Variants in PYM1 observed in about 807,000 individuals in gnomAD.
PYM1 encodes the protein PYM1 exon junction complex associated factor.
In PYM1, 7 loss-of-function variants were observed where a neutral mutation model predicts 20.7. That is an observed-to-expected ratio of 0.34 (90% CI 0.19 to 0.64). PYM1 has a LOEUF of 0.64. PYM1 is among the 30% of genes least tolerant of loss of function. The pLI, the probability that PYM1 is intolerant of heterozygous loss-of-function variation, is 0.74. For missense variants in PYM1, 194 were observed against 250.0 expected (o/e 0.78, Z 1.51); for synonymous variants, 100 against 99.2 (o/e 1.01, Z -0.05).
intron 1 of PYM1, among the ~76,000 whole-genome samples, chr12:55,905,963 A>AGATATATATATATTATATATATCTAT (rs1565714563): frequency 1.8e-5 from 1 of 54,476 alleles, no homozygotes; most frequent in African/African-American, 7.7e-5. Flanking sequence ...TATATATCTA[A>AGATATATATATATTATATATATCTAT]TAGATATATA....
chr12:55,924,286 A>G (rs1207027790), intron 1 of PYM1, among the ~76,000 whole-genome samples: 1 of 152,118 alleles, frequency 6.6e-6, no homozygotes, highest in Non-Finnish European at 1.5e-5. Context: ...AGAAATAATG[A>G]CTGCAAAGAG....
At chr12:55,909,480 C>T (rs1283512734) in intron 1 of PYM1, among the ~76,000 whole-genome samples, 1 of 151,912 alleles carries the variant, frequency 6.6e-6, no homozygotes, top group Non-Finnish European at 1.5e-5. Flanking sequence ...TGAATTAATC[C>T]TTTATGCGAA....
At chr12:55,924,921 T>C (rs960041251) in intron 1 of PYM1, among the ~76,000 whole-genome samples, 6 of 152,216 alleles carry the variant, frequency 3.9e-5, no homozygotes, top group East Asian at 1.9e-4. Context: ...CTGACCTCAG[T>C]TGATCCACCC....
chr12:55,902,480 G>A, intron 2 of PYM1, 125 bp from the exon 3 acceptor site: 1 of 1,380,974 alleles, frequency 7.2e-7, no homozygotes, highest in Non-Finnish European at 9.6e-7. Context: ...TGTTTTTGTG[G>A]GGTTGTTTGT....
intron 1 of PYM1, among the ~76,000 whole-genome samples, chr12:55,910,583 C>T (rs1301014919): frequency 6.6e-6 from 1 of 152,124 alleles, no homozygotes; most frequent in Non-Finnish European, 1.5e-5. Context: ...CCTGGGACTA[C>T]AGGAGCCCAC....
intron 1 of PYM1, among the ~76,000 whole-genome samples, chr12:55,914,606 A>T (rs931561949): frequency 6.6e-6 from 1 of 152,224 alleles, no homozygotes; most frequent in Non-Finnish European, 1.5e-5. Context: ...ACAACATAGC[A>T]AGGCATGGAG....
chr12:55,905,645 G>A (rs551924369), intron 1 of PYM1, among the ~76,000 whole-genome samples: 1 of 148,618 alleles, frequency 6.7e-6, no homozygotes, highest in East Asian at 2.0e-4. Flanking sequence ...GGAGGTTGCA[G>A]TGAGTGGAGA....
chr12:55,926,481 C>T (rs1883188800), intron 1 of PYM1, among the ~76,000 whole-genome samples: 1 of 152,160 alleles, frequency 6.6e-6, no homozygotes, highest in East Asian at 1.9e-4. Flanking sequence ...ATCACCATCA[C>T]GGGAGAAGGT....
Position 55,901,828 on chromosome 12 carries a change from C to A in PYM1, c.*44G>T. ...CCGTATTCCCCCAGACCCCAGAGAG[C>A]CCCACGGTTTGTTCTGCAGTCCATT... On this transcript the variant is annotated 3_prime_UTR_variant, in exon 3 of 3. Transcript: ENST00000408946. 1 of 1,550,194 alleles carries A rather than the reference C, an allele frequency of 6.5e-7. No homozygotes were observed. Among genetic ancestry groups the A allele is most frequent in the Non-Finnish European group, 8.7e-7 (1 of 1,151,468 alleles).
chr12:55,911,052 C>T (rs535547064), intron 1 of PYM1, among the ~76,000 whole-genome samples: 7 of 152,228 alleles, frequency 4.6e-5, no homozygotes, highest in African/African-American at 1.7e-4. Context: ...TTAACCTCTT[C>T]GGCATTGGGA....
chr12:55,919,045 C>T (rs1241797750), intron 1 of PYM1, among the ~76,000 whole-genome samples: 1 of 152,096 alleles, frequency 6.6e-6, no homozygotes, highest in Non-Finnish European at 1.5e-5. Flanking sequence ...TTTTTTTTAA[C>T]AGCAAGGCTT....
chr12:55,902,400 T>G, intron 2 of PYM1, 45 bp from the exon 3 acceptor site: 10 of 1,555,824 alleles, frequency 6.4e-6, no homozygotes, highest in Non-Finnish European at 8.7e-6. Context: ...AATTACTGAC[T>G]TTTTGATCCC....
chr12:55,903,880 A>C (rs1882738004), intron 1 of PYM1, among the ~76,000 whole-genome samples: 1 of 152,180 alleles, frequency 6.6e-6, no homozygotes, highest in Non-Finnish European at 1.5e-5. Flanking sequence ...GATGGAACTT[A>C]AAAAAATAGG....
chr12:55,903,561 A>G (rs1029277326), intron 1 of PYM1, 81 bp from the exon 2 acceptor site: 2 of 1,354,552 alleles, frequency 1.5e-6, no homozygotes, highest in African/African-American at 1.4e-5. Context: ...ATAAATGTAC[A>G]TACCATCTCT....
chr12:55,921,502 A>G (rs2200161), intron 1 of PYM1, among the ~76,000 whole-genome samples: 1 of 152,068 alleles, frequency 6.6e-6, no homozygotes, highest in Non-Finnish European at 1.5e-5. Flanking sequence ...AATAAAAATA[A>G]TCATAAAAAA....
At chr12:55,914,037 C>A in intron 1 of PYM1, 1 of 382,930 alleles carries the variant, frequency 2.6e-6, no homozygotes. Context: ...TAAACAAAGT[C>A]CACAGGGGAA....
chr12:55,927,165 C>T (rs1883208760), intron 1 of PYM1: 1 of 1,551,282 alleles, frequency 6.4e-7, no homozygotes, highest in Non-Finnish European at 8.7e-7. Flanking sequence ...CCCCCCTCCC[C>T]ACCGGAAGTG....
At chr12:55,925,207 A>C (rs960573592) in intron 1 of PYM1, among the ~76,000 whole-genome samples, 3 of 152,248 alleles carry the variant, frequency 2.0e-5, no homozygotes, top group African/African-American at 7.2e-5. Flanking sequence ...GGATATTATC[A>C]AAGTGGCTGG....
intron 1 of PYM1, among the ~76,000 whole-genome samples, chr12:55,908,541 A>G (rs1489409962): frequency 6.6e-6 from 1 of 152,090 alleles, no homozygotes; most frequent in African/African-American, 2.4e-5. Context: ...TTCAAAATGC[A>G]AATATCATTA....
Sources: allele counts gnomAD v4.1 joint callset (sites outside exome capture counted in the v4.1 genomes callset), GRCh38; gene constraint gnomAD v4.1.1; transcripts MANE v1.5; gene names NCBI Gene and HGNC (gene_info 2026-07-23, HGNC 2026-07-21).